Variants in ACAD9 observed in about 807,000 individuals in gnomAD.
ACAD9 encodes acyl-CoA dehydrogenase family member 9.
Under a neutral mutation model 70.2 loss-of-function variants are expected in ACAD9, and 53 were observed. The observed-to-expected ratio is 0.75, with a 90% CI of 0.61 to 0.95. The LOEUF (loss-of-function observed/expected upper bound fraction) is 0.95. Among genes scored for constraint, ACAD9 ranks in the 40% least tolerant of loss-of-function variants. The pLI is 0.00. For missense variants in ACAD9, 777 were observed against 802.8 expected, an observed-to-expected ratio of 0.97 and a Z score of 0.39; for synonymous variants, 313 against 312.1, an observed-to-expected ratio of 1.00 and a Z score of -0.03.
At chr3:128,899,251 T>C in intron 6 of ACAD9, 36 bp from the exon 7 acceptor site, 1 of 1,611,614 alleles carries the variant, frequency 6.2e-7, no homozygotes, top group Non-Finnish European at 8.5e-7. Context: ...CACATAGGGG[T>C]TTGGTTTTCT....
intron 9 of ACAD9, among the ~76,000 whole-genome samples, chr3:128,903,516 C>G (rs12485571): frequency 6.6e-6 from 1 of 152,076 alleles, no homozygotes; most frequent in Non-Finnish European, 1.5e-5. Context: ...ATGGCTATGG[C>G]GGGGCGGGGG....
At chr3:128,897,535 C>A (rs1935601399) in intron 5 of ACAD9, 97 bp from the exon 6 acceptor site, 2 of 1,125,344 alleles carry the variant, frequency 1.8e-6, no homozygotes, top group South Asian at 2.6e-5. Context: ...AGTTTGCTGA[C>A]CTCTTACAAG....
chr3:128,886,091 T>C (rs1460307901), intron 2 of ACAD9, among the ~76,000 whole-genome samples: 1 of 151,440 alleles, frequency 6.6e-6, no homozygotes, highest in African/African-American at 2.4e-5. Flanking sequence ...ATAATATTTT[T>C]AATGAAAAAT....
chr3:128,893,520 T>C, intron 2 of ACAD9, 35 bp from the exon 3 acceptor site: 1 of 1,450,486 alleles, frequency 6.9e-7, no homozygotes, highest in Non-Finnish European at 9.7e-7. Context: ...GAAACATAGC[T>C]TATATTTGTT....
At chr3:128,885,484 C>G (rs1002156473) in intron 2 of ACAD9, among the ~76,000 whole-genome samples, 4 of 152,132 alleles carry the variant, frequency 2.6e-5, no homozygotes, top group Admixed American at 2.0e-4. Flanking sequence ...CTCCATCTTT[C>G]AGGCTCAAAC....
intron 3 of ACAD9, among the ~76,000 whole-genome samples, chr3:128,894,455 A>G (rs1159642603): frequency 1.3e-5 from 2 of 152,052 alleles, no homozygotes; most frequent in Non-Finnish European, 2.9e-5. Context: ...ATATATCTAC[A>G]TATGCTTGTA....
At chr3:128,909,184 G>A (rs1287149161) in intron 14 of ACAD9, 85 bp downstream of exon 14, 2 of 1,602,112 alleles carry the variant, frequency 1.2e-6, no homozygotes, top group Non-Finnish European at 1.7e-6. Flanking sequence ...ACTGTGGGGG[G>A]TCTGGGCTTC....
At chr3:128,880,012 G>GA in intron 1 of ACAD9, 171 bp downstream of exon 1, 1 of 1,546,742 alleles carries the variant, frequency 6.5e-7, no homozygotes, top group Non-Finnish European at 8.7e-7. Context: ...CCTTCCCAGA[G>GA]AAAGGGTGAG....
At chr3:128,880,228 G>T in intron 1 of ACAD9, 1 of 375,962 alleles carries the variant, frequency 2.7e-6, no homozygotes, top group South Asian at 2.2e-5. Context: ...CCAGCGCCCT[G>T]GGGCTTCCTT....
intron 5 of ACAD9, among the ~76,000 whole-genome samples, chr3:128,896,788 C>T (rs1576338757): frequency 6.6e-6 from 1 of 152,202 alleles, no homozygotes; most frequent in African/African-American, 2.4e-5. Context: ...TACAACACAC[C>T]TTGACATACA....
chr3:128,912,253 A>G (rs890980018), intron 17 of ACAD9, among the ~76,000 whole-genome samples: 6 of 152,264 alleles, frequency 3.9e-5, no homozygotes, highest in Admixed American at 2.6e-4. Context: ...TTACGGAGCA[A>G]GTGCCGGCTC....
At chr3:128,887,735 C>T (rs1935296989) in intron 2 of ACAD9, among the ~76,000 whole-genome samples, 1 of 150,924 alleles carries the variant, frequency 6.6e-6, no homozygotes, top group Non-Finnish European at 1.5e-5. Context: ...GAATAAATAG[C>T]AAATGCTGGA....
intron 2 of ACAD9, among the ~76,000 whole-genome samples, chr3:128,885,481 T>A (rs1046428786): frequency 2.0e-5 from 3 of 152,170 alleles, no homozygotes; most frequent in African/African-American, 7.2e-5. Flanking sequence ...CACCTCCATC[T>A]TTCAGGCTCA....
chr3:128,909,126 C>G lies in ACAD9; in HGVS notation c.1485+27C>G, dbSNP rs148176134. 83 of 1,613,598 alleles carry G rather than the reference C, an allele frequency of 5.1e-5. No homozygotes were observed. In the African/African-American group the frequency reaches 9.3e-4, roughly 18 times the overall value. ...TGAGTGGGCCTAACAGGCATACCCC[C>G]TATTTCAATGCCCTCCTGCCAGATC... On this transcript the variant is annotated intron_variant, in intron 14 of 17. Transcript: ENST00000308982.
At position 128,908,243 on chromosome 3, in the gene ACAD9, G is replaced by T; in HGVS notation, c.1337G>T (p.Arg446Leu). ...CTGACGGGTCTGCAGCATGCCGGCC[G>T]CATCCTGACTACCAGGATCCAGTAG... Reference protein sequence around the residue: ...IALTGLQHAGRILTTRIHELK... With the variant: ...IALTGLQHAGLILTTRIHELK... The change falls in exon 13 of 18, where the codon CGC (arginine) becomes CTC (leucine). Residue 446 changes from arginine (R) to leucine (L), a missense_variant. Arg to Leu is a moderately radical substitution (Grantham distance 102, BLOSUM62 -2). Transcript: ENST00000308982. 1 of 1,614,120 alleles carries T rather than the reference G, an allele frequency of 6.2e-7. No homozygotes were observed. Among genetic ancestry groups the T allele is most frequent in the Non-Finnish European group, 8.5e-7 (1 of 1,180,024 alleles).
chr3:128,910,903 A>C, intron 17 of ACAD9, 90 bp downstream of exon 17: 1 of 1,458,000 alleles, frequency 6.9e-7, no homozygotes. Flanking sequence ...TCAAGCTCCC[A>C]GAGCCTGCTA....
At position 128,908,206 on chromosome 3, in the gene ACAD9, A is replaced by C. The variant is rs1559830197; in HGVS notation, c.1300A>C (p.Met434Leu). 1.2e-6 allele frequency: 2 copies of C among 1,614,162 alleles called. No homozygotes were observed. Among genetic ancestry groups the C allele is most frequent in the East Asian group, 4.5e-5 (2 of 44,888 alleles). The change falls in exon 13 of 18, where the codon ATG (methionine) becomes CTG (leucine). Residue 434 changes from methionine (M) to leucine (L), a missense_variant. Coordinates refer to ENST00000308982, the MANE Select transcript of ACAD9 (RefSeq NM_014049.5). Reference sequence around the variant, plus strand: ...ACAGGGAACCAATGAGATTCTCCGGATGTACATCGCCCTGACGGGTCTGCA... The same window carrying C: ...ACAGGGAACCAATGAGATTCTCCGGCTGTACATCGCCCTGACGGGTCTGCA... ...IFEGTNEILR[M>L]YIALTGLQHA... is the part of the protein sequence containing the mutation.
intron 7 of ACAD9, among the ~76,000 whole-genome samples, chr3:128,900,757 A>G (rs1935714301): frequency 6.6e-6 from 1 of 152,130 alleles, no homozygotes; most frequent in East Asian, 1.9e-4. Context: ...AGGCAGGGAA[A>G]GGGAGGGAGG....
intron 6 of ACAD9, among the ~76,000 whole-genome samples, chr3:128,898,721 G>C (rs1052423606): frequency 1.3e-5 from 2 of 152,122 alleles, no homozygotes; most frequent in Non-Finnish European, 2.9e-5. Context: ...ACTTCTATCA[G>C]CATTCAAATA....
Sources: gnomAD v4.1 joint callset for allele counts (sites outside exome capture counted in the v4.1 genomes callset) on GRCh38, gnomAD v4.1.1 for gene constraint, MANE v1.5 for transcripts, NCBI Gene and HGNC (gene_info 2026-07-23, HGNC 2026-07-21) for gene names.